RGS20: variants seen among roughly 807,000 people sequenced by gnomAD.
RGS20 encodes the protein gz-selective GTPase-activating protein.
In RGS20, 30 loss-of-function variants were observed where a neutral mutation model predicts 33.6. The ratio of observed to expected loss-of-function variants is 0.89; its 90% CI spans 0.67 to 1.21. The LOEUF is 1.21. Ranked by LOEUF, RGS20 falls within the 50% of genes most tolerant of loss-of-function variation. The pLI is 0.00. For synonymous variants in RGS20, 208 were observed against 197.9 expected, an observed-to-expected ratio of 1.05 and a Z score of -0.43; for missense variants, 472 against 502.4, an observed-to-expected ratio of 0.94 and a Z score of 0.58.
At chr8:53,856,001 C>T (rs1811661001) in intron 1 of RGS20, among the ~76,000 whole-genome samples, 1 of 152,064 alleles carries the variant, frequency 6.6e-6, no homozygotes, top group Admixed American at 6.6e-5. Flanking sequence ...ACACTGATTT[C>T]AATAAGTATT....
At chr8:53,884,295 A>G (rs1488525606) in intron 2 of RGS20, among the ~76,000 whole-genome samples, 2 of 148,994 alleles carry the variant, frequency 1.3e-5, no homozygotes, top group African/African-American at 5.1e-5. Flanking sequence ...TCCCAGATTC[A>G]AAGGATCCTC....
At chr8:53,944,305 C>T (rs1469990011) in intron 3 of RGS20, among the ~76,000 whole-genome samples, 3 of 152,052 alleles carry the variant, frequency 2.0e-5, no homozygotes, top group Non-Finnish European at 1.5e-5. Flanking sequence ...TTTGGGAGGC[C>T]GAGGCGGGCA....
At chr8:53,897,399 T>C (rs1402577411) in intron 2 of RGS20, among the ~76,000 whole-genome samples, 1 of 152,170 alleles carries the variant, frequency 6.6e-6, no homozygotes, top group East Asian at 1.9e-4. Flanking sequence ...TTTCCTTAGT[T>C]CCAGCTAATA....
chr8:53,865,270 T>C (rs1811894518), intron 1 of RGS20, among the ~76,000 whole-genome samples: 1 of 152,232 alleles, frequency 6.6e-6, no homozygotes, highest in Non-Finnish European at 1.5e-5. Context: ...GTGGCCCTCT[T>C]GTGTCAGGCC....
intron 4 of RGS20, among the ~76,000 whole-genome samples, chr8:53,953,679 T>C (rs1814776489): frequency 1.3e-5 from 2 of 152,222 alleles, no homozygotes; most frequent in African/African-American, 4.8e-5. Context: ...GGTTTAATGT[T>C]GTCAAATCTG....
At chr8:53,938,043 C>T (rs965672837) in intron 2 of RGS20, among the ~76,000 whole-genome samples, 3 of 152,126 alleles carry the variant, frequency 2.0e-5, no homozygotes, top group Non-Finnish European at 4.4e-5. Context: ...GGTATATACC[C>T]AAAGGATTAG....
chr8:53,921,885 A>AT (rs34924669), intron 2 of RGS20, among the ~76,000 whole-genome samples: 43,330 of 151,884 alleles, frequency 0.29, 6,353 homozygotes, highest in African/African-American at 0.35. Flanking sequence ...TATAATAATG[A>AT]TTTTAAATCT....
At chr8:53,909,257 T>TATAC (rs1813282729) in intron 2 of RGS20, among the ~76,000 whole-genome samples, 1 of 103,342 alleles carries the variant, frequency 9.7e-6, no homozygotes, top group Non-Finnish European at 2.2e-5. Flanking sequence ...ATATATATAC[T>TATAC]TTTTTTTTTT....
rs1461043717 is a variant in RGS20 at position 53,879,284 on chromosome 8, C to T, written c.192C>T (p.Asp64=). 1.2e-6 allele frequency: 2 copies of T among 1,613,718 alleles called. No individual in the cohort carries two copies. The highest frequency in any genetic ancestry group is 2.7e-5 in the African/African-American group (2 of 74,912). Residue 64 remains aspartate (D), a synonymous_variant, in exon 2 of 6, where the codon GAC becomes GAT. Transcript: ENST00000297313. ...CCTTCCCGCCTGCACAGCTCCCAGA[C>T]TCGCCCGCCGCCCCGAAGCTGTTCG... is the stretch of plus-strand genomic sequence containing the variant.
chr8:53,884,604 C>T (rs1812486519), intron 2 of RGS20, among the ~76,000 whole-genome samples: 1 of 152,126 alleles, frequency 6.6e-6, no homozygotes, highest in South Asian at 2.1e-4. Flanking sequence ...AGGGTCTGGG[C>T]CAGAGATCTC....
chr8:53,939,785 C>A, intron 3 of RGS20, 61 bp downstream of exon 2: 1 of 1,483,868 alleles, frequency 6.7e-7, no homozygotes, highest in Non-Finnish European at 9.0e-7. Flanking sequence ...GTGCTCCTGA[C>A]TGGGACGTGG....
At position 53,851,903 on chromosome 8, in the gene RGS20, C is replaced by A. The variant is rs1423767521; in HGVS notation, c.4C>A (p.Pro2Thr). Residue 2 changes from proline to threonine, a missense_variant, in exon 1 of 6, where the codon CCC (proline) becomes ACC (threonine). By Grantham distance (38) the Pro-to-Thr change is conservative. Around this residue, in one of 3 missense-constraint regions of RGS20, gnomAD observed 28 missense variants for 49.6 expected, o/e 0.57. Transcript: ENST00000297313. ...TTGGGGCCTTTATTGTGAAAACATG[C>A]CCCAGCTTTCCCAAGATAACCAAGA... 1 of 1,613,702 alleles carries A rather than the reference C, an allele frequency of 6.2e-7. No individual in the cohort carries two copies. Among genetic ancestry groups the A allele is most frequent in the African/African-American group, 1.3e-5 (1 of 74,894 alleles).
chr8:53,873,087 A>G (rs1812116282), intron 1 of RGS20, among the ~76,000 whole-genome samples: 1 of 152,018 alleles, frequency 6.6e-6, no homozygotes. Flanking sequence ...AGTTATCAGG[A>G]GATCTGGTTG....
intron 2 of RGS20, among the ~76,000 whole-genome samples, chr8:53,909,051 TATC>T (rs967378278): frequency 2.0e-5 from 3 of 150,994 alleles, no homozygotes; most frequent in African/African-American, 7.3e-5. Flanking sequence ...TTACATGAAT[TATC>T]ATATTTATTC....
chr8:53,954,614 A>T (rs1814807741), intron 5 of RGS20, among the ~76,000 whole-genome samples: 1 of 151,398 alleles, frequency 6.6e-6, no homozygotes, highest in African/African-American at 2.4e-5. Flanking sequence ...CAGTGAGCCG[A>T]GATTGTGCCA....
intron 1 of RGS20, among the ~76,000 whole-genome samples, chr8:53,853,196 CAGAG>C (rs1337736932): frequency 1.3e-5 from 2 of 152,152 alleles, no homozygotes; most frequent in South Asian, 2.1e-4. Flanking sequence ...TTTGAGGAAA[CAGAG>C]AGCAACAACA....
chr8:53,931,295 G>A (rs1037544256), intron 2 of RGS20, among the ~76,000 whole-genome samples: 3 of 152,116 alleles, frequency 2.0e-5, no homozygotes, highest in East Asian at 1.9e-4. Flanking sequence ...AGTGGCTCAC[G>A]CCTGTAATCC....
chr8:53,932,447 G>C (rs1205966745), intron 2 of RGS20, among the ~76,000 whole-genome samples: 1 of 152,134 alleles, frequency 6.6e-6, no homozygotes, highest in Non-Finnish European at 1.5e-5. Flanking sequence ...AGGGGGAGGG[G>C]CGTCCACCAT....
intron 2 of RGS20, among the ~76,000 whole-genome samples, chr8:53,888,669 G>A (rs551894172): frequency 6.6e-6 from 1 of 152,118 alleles, no homozygotes; most frequent in Non-Finnish European, 1.5e-5. Flanking sequence ...TCTAGATGAA[G>A]ATATAGGATA....
Sources: allele counts gnomAD v4.1 joint callset (sites outside exome capture counted in the v4.1 genomes callset), GRCh38; gene constraint gnomAD v4.1.1; regional missense constraint gnomAD v4.1.1; transcripts MANE v1.5; gene names NCBI Gene and HGNC (gene_info 2026-07-23, HGNC 2026-07-21).